OARD1: variants seen among roughly 807,000 people sequenced by gnomAD.
The protein encoded by OARD1 is O-acyl-ADP-ribose deacylase 1, also known as ADP-ribose glycohydrolase OARD1.
In OARD1, 19 loss-of-function variants were observed where a neutral mutation model predicts 19.7. The observed-to-expected ratio is 0.96, with a 90% CI of 0.67 to 1.41. The LOEUF is 1.41. Ranked by LOEUF, OARD1 falls within the 40% of genes most tolerant of loss-of-function variation. OARD1 has a pLI of 0.00. For missense variants in OARD1, 190 were observed against 183.8 expected (o/e 1.03, Z -0.20); for synonymous variants, 70 against 61.8 (o/e 1.13, Z -0.62).
At chr6:41,076,268 A>T (rs1490030685), upstream of OARD1, among the ~76,000 whole-genome samples, 1 of 152,176 alleles carries the variant, frequency 6.6e-6, no homozygotes, top group East Asian at 1.9e-4. Flanking sequence ...AATAGAAAAT[A>T]CCAAAGTGCA....
At chr6:41,079,278 A>G in intron 1 of OARD1, 1 of 985,044 alleles carries the variant, frequency 1.0e-6, no homozygotes, top group African/African-American at 1.6e-5. Context: ...ATCTTGTGAG[A>G]TATTGGGTCT....
rs547019580 is a variant in OARD1 at position 41,080,725 on chromosome 6, C to T, written c.-41-9050G>A. 3.5e-4 allele frequency: 384 copies of T among 1,112,236 alleles called. 7 individuals carry two copies. The South Asian group carries it at 4.6e-3, about 13-fold the overall frequency. 68.9% of individuals were successfully genotyped at this position (1,112,236 alleles called of 1,614,324 possible). A position where few individuals can be genotyped will look rare whatever the true frequency, so the allele number is the denominator to read the frequency against. On this transcript the variant is annotated intron_variant, in intron 1 of 4. Transcript: ENST00000480585. ...GAAAGTCCTTCAGGCTTCCGTCTCT[C>T]TCCTCCAAGAGGTAAGGTGATCTGT... is the stretch of plus-strand genomic sequence containing the variant.
At chr6:41,068,006 C>T (rs938316491) in intron 5 of OARD1, among the ~76,000 whole-genome samples, 2 of 151,908 alleles carry the variant, frequency 1.3e-5, no homozygotes, top group Non-Finnish European at 2.9e-5. Context: ...TAGTGATCCT[C>T]AACACGCCTA....
At chr6:41,070,021 C>T (rs757986762) in intron 4 of OARD1, 55 bp downstream of exon 4, 1 of 1,022,632 alleles carries the variant, frequency 9.8e-7, no homozygotes, top group South Asian at 1.3e-5. Flanking sequence ...TTCACAAATC[C>T]TTAAAATGTA....
In OARD1 at chr6:41,088,645, G is replaced by A. The variant is rs935373700; in HGVS notation, c.-42+9068C>T. ...GTTGCCTAGGCTGGAATGCAGTGGT[G>A]CGGATCTTGGCTCACTGCAACCTCT... On this transcript the variant is annotated intron_variant, in intron 1 of 4. Coordinates refer to the OARD1 transcript ENST00000480585. Among the ~76,000 whole-genome samples the A allele has an allele frequency of 3.3e-5, 5 of 151,882 alleles. No individual in the cohort carries two copies. The East Asian group carries it at 9.9e-4, about 30-fold the overall frequency.
chr6:41,090,552 G>A (rs1764173161), intron 1 of OARD1, among the ~76,000 whole-genome samples: 1 of 152,194 alleles, frequency 6.6e-6, no homozygotes, highest in African/African-American at 2.4e-5. Flanking sequence ...TAAGCTTTTA[G>A]GGAAGAAGTG....
At chr6:41,074,711 T>A (rs538663473), upstream of OARD1, among the ~76,000 whole-genome samples, 1 of 152,318 alleles carries the variant, frequency 6.6e-6, no homozygotes, top group South Asian at 2.1e-4. Context: ...TGCTAAGGAA[T>A]ATTTTGGAAA....
intron 4 of OARD1, 34 bp from the exon 5 acceptor site, chr6:41,068,987 A>C (rs2114050920): frequency 8.5e-7 from 1 of 1,182,694 alleles, no homozygotes; most frequent in East Asian, 2.4e-5. Flanking sequence ...TCATCATCCC[A>C]AAATGATAGC....
At chr6:41,069,970 T>G in intron 4 of OARD1, 106 bp downstream of exon 4, 1 of 799,570 alleles carries the variant, frequency 1.3e-6, no homozygotes, top group Non-Finnish European at 2.3e-6. Flanking sequence ...TTGTCTAGAA[T>G]AGAACATCAT....
chr6:41,074,076 C>T (rs1036006418), upstream of OARD1, among the ~76,000 whole-genome samples: 3 of 152,210 alleles, frequency 2.0e-5, no homozygotes, highest in African/African-American at 7.2e-5. Context: ...GTGAAATCTC[C>T]CTCCCTTGGG....
chr6:41,090,337 A>G, intron 1 of OARD1: 1 of 1,540,528 alleles, frequency 6.5e-7, no homozygotes, highest in Middle Eastern at 1.7e-4. Flanking sequence ...CTTCCCTAGG[A>G]CTTTTTGGGG....
intron 4 of OARD1, 157 bp downstream of exon 4, chr6:41,069,919 C>A (rs1763236050): frequency 5.7e-6 from 4 of 706,188 alleles, no homozygotes; most frequent in South Asian, 4.6e-5. Context: ...CATCACTGGA[C>A]TGGAGTTGTC....
chr6:41,077,955 A>G (rs1763786393), intron 1 of OARD1, among the ~76,000 whole-genome samples: 1 of 151,912 alleles, frequency 6.6e-6, no homozygotes, highest in Admixed American at 6.6e-5. Flanking sequence ...AAATTTTGTT[A>G]TATTTTTCCT....
At chr6:41,085,060 A>T (rs1333231854) in intron 1 of OARD1, among the ~76,000 whole-genome samples, 2 of 152,254 alleles carry the variant, frequency 1.3e-5, no homozygotes, top group Non-Finnish European at 2.9e-5. Context: ...GATGGCAAAA[A>T]AAAACAAAAA....
chr6:41,083,758 C>T (rs1763970771), intron 1 of OARD1, among the ~76,000 whole-genome samples: 1 of 152,176 alleles, frequency 6.6e-6, no homozygotes, highest in Admixed American at 6.5e-5. Flanking sequence ...AAATGTTTGT[C>T]ATGGATTTAG....
intron 1 of OARD1, among the ~76,000 whole-genome samples, chr6:41,086,656 C>G (rs921602051): frequency 1.3e-5 from 2 of 152,064 alleles, no homozygotes; most frequent in African/African-American, 2.4e-5. Context: ...TGTCCAGTCT[C>G]ATGAAAAATT....
At chr6:41,073,564 CCCCCGCT>C (rs951275554), upstream of OARD1, among the ~76,000 whole-genome samples, 51 of 152,170 alleles carry the variant, frequency 3.4e-4, no homozygotes, top group African/African-American at 9.9e-4. Flanking sequence ...GGGCCCGCGC[CCCCCGCT>C]CCCCGCTCCC....
At chr6:41,094,333 A>G in intron 1 of OARD1, 1 of 1,367,388 alleles carries the variant, frequency 7.3e-7, no homozygotes, top group Non-Finnish European at 1.0e-6. Flanking sequence ...GAATTTGTGC[A>G]CTAGATAACT....
chr6:41,076,677 C>T (rs560594561), upstream of OARD1, among the ~76,000 whole-genome samples: 1 of 152,204 alleles, frequency 6.6e-6, no homozygotes, highest in Non-Finnish European at 1.5e-5. Context: ...ATTTGTTTCT[C>T]TCTCTTTGAG....
Sources: allele counts gnomAD v4.1 joint callset (sites outside exome capture counted in the v4.1 genomes callset), GRCh38; gene constraint gnomAD v4.1.1; transcripts MANE v1.5; gene names NCBI Gene and HGNC (gene_info 2026-07-23, HGNC 2026-07-21).